ADGRL3: variants seen among roughly 807,000 people sequenced by gnomAD.
The protein encoded by ADGRL3 is adhesion G protein-coupled receptor L3.
ADGRL3 carries 62 observed loss-of-function variants against 153.5 expected under a neutral mutation model. The observed-to-expected ratio is 0.40, with a 90% CI of 0.33 to 0.50. ADGRL3 has a LOEUF of 0.50. Among genes scored for constraint, ADGRL3 ranks in the 20% least tolerant of loss-of-function variants. The pLI, the probability that ADGRL3 is intolerant of heterozygous loss-of-function variation, is 0.47. For synonymous variants in ADGRL3, 710 were observed against 672.5 expected (o/e 1.06, Z -0.86); for missense variants, 1,641 against 1,859.4 (o/e 0.88, Z 2.16).
chr4:61,382,682 T>A (rs1308645047), intron 1 of ADGRL3, among the ~76,000 whole-genome samples: 2 of 151,830 alleles, frequency 1.3e-5, no homozygotes, highest in Non-Finnish European at 2.9e-5. Context: ...TGTATGTATA[T>A]GTGTATGATT....
At chr4:61,903,799 G>A (rs1472772988) in intron 11 of ADGRL3, among the ~76,000 whole-genome samples, 8 of 151,094 alleles carry the variant, frequency 5.3e-5, no homozygotes, top group South Asian at 4.2e-4. Context: ...TAAAGACAAG[G>A]TCTTACTCTG....
intron 5 of ADGRL3, among the ~76,000 whole-genome samples, chr4:61,662,211 A>G (rs1440067782): frequency 6.6e-6 from 1 of 152,148 alleles, no homozygotes; most frequent in African/African-American, 2.4e-5. Flanking sequence ...CTCTAGACCC[A>G]AGCATCCCTG....
intron 9 of ADGRL3, among the ~76,000 whole-genome samples, chr4:61,879,252 G>A (rs1462800888): frequency 6.6e-6 from 1 of 152,046 alleles, no homozygotes; most frequent in Non-Finnish European, 1.5e-5. Flanking sequence ...TTGATCCTCT[G>A]GGCAGATTTC....
intron 2 of ADGRL3, among the ~76,000 whole-genome samples, chr4:61,480,235 A>G (rs527372989): frequency 9.2e-5 from 14 of 152,252 alleles, no homozygotes; most frequent in African/African-American, 2.6e-4. Context: ...TTCTACTGCT[A>G]TAAGTTTGAC....
intron 2 of ADGRL3, among the ~76,000 whole-genome samples, chr4:61,455,701 G>A (rs1354882227): frequency 6.6e-6 from 1 of 151,832 alleles, no homozygotes; most frequent in Non-Finnish European, 1.5e-5. Flanking sequence ...ATTTATAGAT[G>A]TAATAAATAG....
chr4:61,437,072 A>G (rs2097456646), intron 2 of ADGRL3, among the ~76,000 whole-genome samples: 1 of 152,212 alleles, frequency 6.6e-6, no homozygotes. Flanking sequence ...TAGTATTGAT[A>G]GGAACCTAAA....
intron 5 of ADGRL3, among the ~76,000 whole-genome samples, chr4:61,615,279 C>A (rs1326190816): frequency 6.6e-6 from 1 of 151,982 alleles, no homozygotes; most frequent in African/African-American, 2.4e-5. Flanking sequence ...TTTTGCTGGG[C>A]TTTACATAAA....
Position 61,649,287 on chromosome 4 carries a change from T to G in ADGRL3, c.474-27539T>G, listed in dbSNP as rs1281989937. On this transcript the variant is annotated intron_variant, in intron 5 of 26. Coordinates refer to ENST00000683033, the MANE Select transcript of ADGRL3 (RefSeq NM_001387552.1). ...AGTATGATAACCAGATATGTATGCC[T>G]CTAGGATTTGGTATTATATTAATAA... Among the ~76,000 whole-genome samples, 4 of 152,198 alleles carry G rather than the reference T, an allele frequency of 2.6e-5. No homozygotes were observed. In the East Asian group the frequency reaches 7.7e-4, roughly 29 times the overall value.
At chr4:61,398,345 T>A (rs916863406) in intron 2 of ADGRL3, among the ~76,000 whole-genome samples, 6 of 151,874 alleles carry the variant, frequency 4.0e-5, no homozygotes, top group African/African-American at 1.4e-4. Context: ...GTGAGAATGA[T>A]GAGCCTTCGT....
intron 8 of ADGRL3, among the ~76,000 whole-genome samples, chr4:61,806,063 A>G (rs2097549266): frequency 6.6e-6 from 1 of 151,994 alleles, no homozygotes; most frequent in African/African-American, 2.4e-5. Context: ...TATGTCATTG[A>G]TGTGTGTTTT....
intron 1 of ADGRL3, among the ~76,000 whole-genome samples, chr4:61,210,792 A>G (rs375907021): frequency 3.9e-4 from 59 of 152,322 alleles, no homozygotes; most frequent in African/African-American, 1.3e-3. Context: ...GTGGACAAAG[A>G]ACCTATTGAG....
At chr4:61,541,898 C>T (rs1021409356) in intron 4 of ADGRL3, among the ~76,000 whole-genome samples, 13 of 151,590 alleles carry the variant, frequency 8.6e-5, no homozygotes, top group African/African-American at 2.7e-4. Context: ...TAGCTGAGCT[C>T]GTCAAGTTTT....
intron 1 of ADGRL3, among the ~76,000 whole-genome samples, chr4:61,302,141 C>A (rs2094598726): frequency 6.6e-6 from 1 of 152,058 alleles, no homozygotes; most frequent in South Asian, 2.1e-4. Flanking sequence ...ATAAAAATGG[C>A]AGAAGATTGT....
At chr4:61,740,671 G>T (rs2151910730) in intron 8 of ADGRL3, among the ~76,000 whole-genome samples, 1 of 152,150 alleles carries the variant, frequency 6.6e-6, no homozygotes, top group East Asian at 1.9e-4. Context: ...AGGCATAGAA[G>T]CTGAGTTTCA....
chr4:61,760,349 C>T (rs541706754), intron 8 of ADGRL3, among the ~76,000 whole-genome samples: 8 of 152,224 alleles, frequency 5.3e-5, no homozygotes, highest in South Asian at 2.1e-4. Flanking sequence ...ACTCAAGCCT[C>T]GGCAATGGCG....
At chr4:61,827,496 C>T (rs2097821461) in intron 9 of ADGRL3, among the ~76,000 whole-genome samples, 1 of 152,114 alleles carries the variant, frequency 6.6e-6, no homozygotes, top group Non-Finnish European at 1.5e-5. Context: ...TAGTGGGAAA[C>T]CACAAAGGAC....
chr4:61,424,038 G>A (rs2097245181), intron 2 of ADGRL3, among the ~76,000 whole-genome samples: 1 of 152,064 alleles, frequency 6.6e-6, no homozygotes, highest in South Asian at 2.1e-4. Context: ...CTGAGCTGGG[G>A]TCCAAAGGGA....
chr4:61,572,401 A>C (rs894549896), intron 4 of ADGRL3, among the ~76,000 whole-genome samples: 2 of 152,052 alleles, frequency 1.3e-5, no homozygotes, highest in African/African-American at 4.8e-5. Flanking sequence ...ACTTGTCATG[A>C]TCTTCTATTT....
intron 8 of ADGRL3, among the ~76,000 whole-genome samples, chr4:61,770,595 G>A (rs2097072853): frequency 1.3e-5 from 2 of 152,172 alleles, no homozygotes; most frequent in African/African-American, 4.8e-5. Context: ...GAACAGGAGA[G>A]ATTTGGGGAT....
Sources: allele counts gnomAD v4.1 joint callset (sites outside exome capture counted in the v4.1 genomes callset), GRCh38; gene constraint gnomAD v4.1.1; transcripts MANE v1.5; gene names NCBI Gene and HGNC (gene_info 2026-07-23, HGNC 2026-07-21).